THSD4: variants seen among roughly 807,000 people sequenced by gnomAD.
The protein encoded by THSD4 is thrombospondin type-1 domain-containing protein 4.
Under a neutral mutation model 119.0 loss-of-function variants are expected in THSD4, and 69 were observed. The ratio of observed to expected loss-of-function variants is 0.58; its 90% CI spans 0.48 to 0.71. The LOEUF (loss-of-function observed/expected upper bound fraction) is 0.71, where lower values mean the gene tolerates loss of function less well. Ranked by LOEUF, THSD4 falls within the 30% of genes least tolerant of loss-of-function variation. The pLI, the probability that THSD4 is intolerant of heterozygous loss-of-function variation, is 0.00. For synonymous variants in THSD4, 524 were observed against 540.4 expected (o/e 0.97, Z 0.42); for missense variants, 1,393 against 1,391.1 (o/e 1.00, Z -0.02).
chr15:71,423,108 G>GCAGGTGCA (rs2046828896), intron 7 of THSD4, among the ~76,000 whole-genome samples: 1 of 152,286 alleles, frequency 6.6e-6, no homozygotes, highest in Admixed American at 6.5e-5. Flanking sequence ...CTGGCCCAGG[G>GCAGGTGCA]CAGGTGCAGA....
intron 7 of THSD4, among the ~76,000 whole-genome samples, chr15:71,550,448 T>G (rs936486305): frequency 1.3e-5 from 2 of 152,208 alleles, no homozygotes; most frequent in Admixed American, 1.3e-4. Flanking sequence ...TTAATTTTCT[T>G]ATTTTTGAGA....
chr15:71,570,419 T>C (rs1047678884), intron 7 of THSD4, among the ~76,000 whole-genome samples: 10 of 152,090 alleles, frequency 6.6e-5, no homozygotes, highest in Non-Finnish European at 1.2e-4. Flanking sequence ...TTTTCTTTTT[T>C]TTTTTGAGAT....
At chr15:71,132,149 T>TA (rs1187979741) in intron 1 of THSD4, among the ~76,000 whole-genome samples, 1 of 152,244 alleles carries the variant, frequency 6.6e-6, no homozygotes. Flanking sequence ...TCTAGGTTGA[T>TA]ACAATTGTTT....
At chr15:71,575,844 A>G (rs12594436) in intron 7 of THSD4, among the ~76,000 whole-genome samples, 14,547 of 151,216 alleles carry the variant, frequency 0.096, 1,341 homozygotes, top group East Asian at 0.44. Context: ...AAAAAGTTAG[A>G]AAGTTGTCTG....
intron 8 of THSD4, among the ~76,000 whole-genome samples, chr15:71,676,290 AT>A (rs956796099): frequency 3.3e-5 from 5 of 151,584 alleles, no homozygotes; most frequent in African/African-American, 9.7e-5. Context: ...CATTTTCAGA[AT>A]TTTTTTTTGA....
chr15:71,606,510 C>CAT (rs57717736), intron 7 of THSD4, among the ~76,000 whole-genome samples: 144,398 of 152,188 alleles, frequency 0.95, 69,005 homozygotes, highest in East Asian at 1. Context: ...CCAGAAATAA[C>CAT]ATTTCAAATG....
rs770625741 is a variant in THSD4, at chr15:71,411,667, A to T, written c.1016-20A>T. On this transcript the variant is annotated intron_variant, in intron 6 of 17. Transcript: ENST00000261862. Reference sequence around the variant, plus strand: ...TTATACCTTATCTTTATTTTATTTTATTTCATTTTACTTTGGTAGTAAAAG... The same window carrying T: ...TTATACCTTATCTTTATTTTATTTTTTTTCATTTTACTTTGGTAGTAAAAG... 6.2e-7 allele frequency: 1 copy of T among 1,603,710 alleles called. No individual in the cohort carries two copies. Among genetic ancestry groups the T allele is most frequent in the South Asian group, 1.1e-5 (1 of 89,732 alleles).
At chr15:71,307,658 A>G (rs1421664204) in intron 6 of THSD4, among the ~76,000 whole-genome samples, 1 of 152,070 alleles carries the variant, frequency 6.6e-6, no homozygotes, top group Non-Finnish European at 1.5e-5. Flanking sequence ...AATCCCAGCT[A>G]CTTGGGAGGC....
At chr15:71,278,574 ATT>A (rs768193871) in intron 6 of THSD4, among the ~76,000 whole-genome samples, 5 of 152,222 alleles carry the variant, frequency 3.3e-5, no homozygotes, top group Non-Finnish European at 7.3e-5. Flanking sequence ...AAAGTTCTAC[ATT>A]GTGCTCTGCT....
Position 71,584,764 on chromosome 15 carries a change from C to T in THSD4, c.1153-75766C>T, listed in dbSNP as rs190164639. ...GTTAATTGTTTCTGTTTTTTAGTTC[C>T]TTTTTTCCTTTCTTCCTCTCTAGAT... On this transcript the variant is annotated intron_variant, in intron 7 of 17. Coordinates refer to ENST00000261862, the MANE Select transcript of THSD4 (RefSeq NM_024817.3). Among the ~76,000 whole-genome samples the T allele has an allele frequency of 1.8e-3, 269 of 151,896 alleles. 2 individuals carry two copies. The highest frequency in any genetic ancestry group is 6.6e-3 in the Admixed American group (100 of 15,254).
intron 7 of THSD4, among the ~76,000 whole-genome samples, chr15:71,447,405 A>G (rs1267730204): frequency 6.6e-6 from 1 of 152,184 alleles, no homozygotes; most frequent in Non-Finnish European, 1.5e-5. Context: ...TGCAAGGATT[A>G]CAGGCATGAG....
intron 7 of THSD4, among the ~76,000 whole-genome samples, chr15:71,631,875 G>A (rs769017980): frequency 1.3e-5 from 2 of 152,136 alleles, no homozygotes; most frequent in Admixed American, 6.5e-5. Flanking sequence ...CTATCATTCC[G>A]TCCAATATCC....
At chr15:71,450,131 A>T (rs2047241807) in intron 7 of THSD4, among the ~76,000 whole-genome samples, 1 of 152,140 alleles carries the variant, frequency 6.6e-6, no homozygotes. Flanking sequence ...GTGTGTTTGA[A>T]AACTCAAGGA....
chr15:71,255,341 T>C (rs1025942898), intron 5 of THSD4, among the ~76,000 whole-genome samples: 3 of 152,222 alleles, frequency 2.0e-5, no homozygotes, highest in Admixed American at 2.0e-4. Context: ...GATTCTGATC[T>C]TGTTATTTTC....
At chr15:71,353,870 T>C (rs2045775639) in intron 6 of THSD4, among the ~76,000 whole-genome samples, 1 of 152,152 alleles carries the variant, frequency 6.6e-6, no homozygotes, top group Non-Finnish European at 1.5e-5. Context: ...TCTCTAAGTG[T>C]GAGAAGTAAT....
chr15:71,660,783 T>C (rs2051290687), intron 8 of THSD4, 49 bp downstream of exon 8: 3 of 1,603,784 alleles, frequency 1.9e-6, no homozygotes, highest in African/African-American at 2.7e-5. Flanking sequence ...TGCCAGATGA[T>C]GTATTCCTTC....
intron 15 of THSD4, among the ~76,000 whole-genome samples, chr15:71,758,746 G>T (rs1210965260): frequency 6.6e-6 from 1 of 152,230 alleles, no homozygotes; most frequent in African/African-American, 2.4e-5. Flanking sequence ...AGGACTGTTT[G>T]GCTTATGATC....
intron 7 of THSD4, among the ~76,000 whole-genome samples, chr15:71,628,234 G>A (rs1161192376): frequency 6.6e-6 from 1 of 152,126 alleles, no homozygotes; most frequent in African/African-American, 2.4e-5. Flanking sequence ...ATTGACAGAG[G>A]AGCAGAAGCC....
intron 2 of THSD4, among the ~76,000 whole-genome samples, chr15:71,149,061 C>T (rs1309386474): frequency 2.8e-5 from 4 of 144,426 alleles, no homozygotes; most frequent in African/African-American, 7.7e-5. Flanking sequence ...TTTTTTGAGA[C>T]GGAGTCTTGC....
Sources: allele counts gnomAD v4.1 joint callset (sites outside exome capture counted in the v4.1 genomes callset), GRCh38; gene constraint gnomAD v4.1.1; transcripts MANE v1.5; gene names NCBI Gene and HGNC (gene_info 2026-07-23, HGNC 2026-07-21).